Variants in THSD7A observed in about 807,000 individuals in gnomAD.
THSD7A encodes thrombospondin type 1 domain containing 7A, also known as thrombospondin type-1 domain-containing protein 7A.
In THSD7A, 96 loss-of-function variants were observed where a neutral mutation model predicts 231.3. That is an observed-to-expected ratio of 0.41 (90% CI 0.35 to 0.49). The LOEUF is 0.49. Ranked by LOEUF, THSD7A falls within the 20% of genes least tolerant of loss-of-function variation. The pLI, the probability that THSD7A is intolerant of heterozygous loss-of-function variation, is 0.05. For synonymous variants in THSD7A, 940 were observed against 743.3 expected (o/e 1.26, Z -4.30); for missense variants, 2,290 against 2,070.2 (o/e 1.11, Z -2.06).
intron 4 of THSD7A, among the ~76,000 whole-genome samples, chr7:11,545,143 T>C (rs1381852676): frequency 6.6e-6 from 1 of 152,168 alleles, no homozygotes; most frequent in African/African-American, 2.4e-5. Context: ...GCAAATTAGC[T>C]GCAAATTAAC....
chr7:11,475,396 T>C (rs1284728055), intron 7 of THSD7A, among the ~76,000 whole-genome samples: 1 of 151,954 alleles, frequency 6.6e-6, no homozygotes, highest in Non-Finnish European at 1.5e-5. Flanking sequence ...CTCCCGGTTT[T>C]TCTTTGCAGA....
At chr7:11,824,409 A>G (rs1210311207) in intron 1 of THSD7A, among the ~76,000 whole-genome samples, 11 of 152,102 alleles carry the variant, frequency 7.2e-5, no homozygotes, top group Admixed American at 6.6e-4. Flanking sequence ...CACTTCACCA[A>G]TAACCTACTC....
At chr7:11,469,513 A>G (rs1386656972) in intron 9 of THSD7A, among the ~76,000 whole-genome samples, 3 of 152,108 alleles carry the variant, frequency 2.0e-5, no homozygotes, top group African/African-American at 7.2e-5. Context: ...ATTTTTTGCC[A>G]TTAAGTAGGA....
At chr7:11,539,029 CT>C (rs1406151168) in intron 6 of THSD7A, among the ~76,000 whole-genome samples, 3 of 152,166 alleles carry the variant, frequency 2.0e-5, no homozygotes, top group Admixed American at 6.5e-5. Context: ...CTTCATGCCC[CT>C]AGTCGAGCTT....
intron 1 of THSD7A, among the ~76,000 whole-genome samples, chr7:11,664,000 T>C (rs945260374): frequency 2.0e-5 from 3 of 150,926 alleles, no homozygotes; most frequent in Admixed American, 6.6e-5. Context: ...TATAGCATGT[T>C]AGAGTGAAAA....
chr7:11,508,589 T>G (rs969142851), intron 6 of THSD7A, among the ~76,000 whole-genome samples: 47 of 152,256 alleles, frequency 3.1e-4, no homozygotes, highest in African/African-American at 1.1e-3. Flanking sequence ...TAACCCCATT[T>G]CTGGGTAATT....
At chr7:11,482,092 C>CT in intron 6 of THSD7A, 110 bp from the exon 7 acceptor site, 1 of 1,238,206 alleles carries the variant, frequency 8.1e-7, no homozygotes, top group Non-Finnish European at 1.1e-6. Flanking sequence ...TTTGCTCTTA[C>CT]TTAAAAAAAC....
intron 1 of THSD7A, among the ~76,000 whole-genome samples, chr7:11,680,220 C>A (rs4517015): frequency 0.66 from 100,369 of 151,992 alleles, 33,451 homozygotes; most frequent in African/African-American, 0.73. Context: ...TTAAGGACTT[C>A]AACATAAGAC....
chr7:11,545,713 C>T (rs1292845400), intron 4 of THSD7A, among the ~76,000 whole-genome samples: 1 of 152,188 alleles, frequency 6.6e-6, no homozygotes, highest in Non-Finnish European at 1.5e-5. Context: ...CAGGGGAACC[C>T]ACTCCTCAAC....
At chr7:11,726,543 T>C (rs2128155475) in intron 1 of THSD7A, among the ~76,000 whole-genome samples, 1 of 141,032 alleles carries the variant, frequency 7.1e-6, no homozygotes, top group Non-Finnish European at 1.6e-5. Context: ...ATGCCCAGAA[T>C]TGATTTTTTT....
Position 11,812,140 on chromosome 7 carries a change from T to TGTGTGTGTGTGTGTGTGA in THSD7A, c.190+19616_190+19617insTCACACACACACACACAC, listed in dbSNP as rs377112108. Among the ~76,000 whole-genome samples, 14 of 146,908 alleles carry TGTGTGTGTGTGTGTGTGA rather than the reference T, an allele frequency of 9.5e-5. 1 individual carries two copies. The highest frequency in any genetic ancestry group is 3.1e-4 in the African/African-American group (12 of 38,214). On this transcript the variant is annotated intron_variant, in intron 1 of 27. Transcript: ENST00000423059. ...GTGTGTGTGTGTGTGTGTGTGTGTG[T>TGTGTGTGTGTGTGTGTGA]GGGAGACAGAGAGAGAGATATGGGG... is the stretch of plus-strand genomic sequence containing the variant.
intron 13 of THSD7A, among the ~76,000 whole-genome samples, chr7:11,433,729 C>T (rs1302718379): frequency 1.3e-5 from 2 of 151,826 alleles, no homozygotes; most frequent in Non-Finnish European, 2.9e-5. Flanking sequence ...ATGTCACTAC[C>T]CCACAGAGTA....
At chr7:11,595,186 G>A (rs760207551) in intron 2 of THSD7A, among the ~76,000 whole-genome samples, 2 of 152,124 alleles carry the variant, frequency 1.3e-5, no homozygotes, top group Non-Finnish European at 2.9e-5. Flanking sequence ...CAACACCCCT[G>A]TTTGCTTCTA....
At chr7:11,674,141 G>A in intron 1 of THSD7A, among the ~76,000 whole-genome samples, 1 of 151,990 alleles carries the variant, frequency 6.6e-6, no homozygotes, top group East Asian at 2.0e-4. Context: ...GTAGGGTAGA[G>A]CAAGGCCCAC....
At chr7:11,805,597 G>C (rs1240602642) in intron 1 of THSD7A, among the ~76,000 whole-genome samples, 5 of 152,040 alleles carry the variant, frequency 3.3e-5, no homozygotes, top group Admixed American at 3.3e-4. Context: ...ATATTGCACA[G>C]ATGAAGGGAT....
chr7:11,503,560 C>G (rs746023155), intron 6 of THSD7A, among the ~76,000 whole-genome samples: 1 of 151,590 alleles, frequency 6.6e-6, no homozygotes, highest in Non-Finnish European at 1.5e-5. Flanking sequence ...AACTATGCAT[C>G]TGACAAAGAT....
intron 11 of THSD7A, among the ~76,000 whole-genome samples, chr7:11,456,734 G>A (rs557727864): frequency 2.2e-4 from 34 of 152,050 alleles, no homozygotes; most frequent in African/African-American, 5.5e-4. Flanking sequence ...AGCAGCCATA[G>A]GCAATATGTA....
intron 2 of THSD7A, among the ~76,000 whole-genome samples, chr7:11,633,724 G>A (rs148077434): frequency 6.6e-6 from 1 of 152,184 alleles, no homozygotes; most frequent in East Asian, 1.9e-4. Context: ...ATTGATTTTG[G>A]TCTATTGGAA....
chr7:11,820,187 T>C (rs1453787850), intron 1 of THSD7A: 1 of 322,962 alleles, frequency 3.1e-6, no homozygotes, highest in African/African-American at 2.1e-5. Context: ...GGTAGTACAA[T>C]CTGCATGGCT....
Sources: gnomAD v4.1 joint callset for allele counts (sites outside exome capture counted in the v4.1 genomes callset) on GRCh38, gnomAD v4.1.1 for gene constraint, MANE v1.5 for transcripts, NCBI Gene and HGNC (gene_info 2026-07-23, HGNC 2026-07-21) for gene names.